Variants in ZNF320 observed in about 807,000 individuals in gnomAD.
ZNF320 encodes zinc finger protein 320, also known as zinc finger gene 320.
A neutral mutation model predicts 6.8 loss-of-function variants in ZNF320; 2 were observed. The observed-to-expected ratio is 0.29, with a 90% CI of 0.12 to 0.93. The LOEUF (loss-of-function observed/expected upper bound fraction) is 0.93, where lower values mean the gene tolerates loss of function less well. ZNF320 is among the 40% of genes least tolerant of loss of function. The probability of loss-of-function intolerance (pLI) is 0.55; values close to 1 mark genes in which losing one functional copy is unlikely to be tolerated. For synonymous variants in ZNF320, 208 were observed against 203.2 expected (o/e 1.02, Z -0.20); for missense variants, 472 against 611.0 (o/e 0.77, Z 2.40).
Position 52,880,773 on chromosome 19 carries a change from A to G in ZNF320, c.1353T>C (p.Asn451=), listed in dbSNP as rs2147811873. 2 of 1,613,938 alleles carry G rather than the reference A, an allele frequency of 1.2e-6. No individual in the cohort carries two copies. Among genetic ancestry groups the G allele is most frequent in the Non-Finnish European group, 1.7e-6 (2 of 1,179,862 alleles). The stretch of plus-strand genomic sequence containing the variant: ...GATGCCTAATAAGGTGTGAAGGTGA[A>G]TTAAAGGCTTTACCACAATCACCAC... ...HKCGDCGKAF[N]SPSHLIRHQR... is the part of the protein sequence containing the mutation. Residue 451 remains asparagine (N), a synonymous_variant, in exon 6 of 6, where the codon AAT becomes AAC. Transcript: ENST00000682928.
downstream of ZNF320, among the ~76,000 whole-genome samples, chr19:52,860,428 G>A (rs1010337091): frequency 2.0e-5 from 3 of 151,928 alleles, no homozygotes; most frequent in African/African-American, 7.2e-5. Context: ...GTGAAAGCCA[G>A]TCTTTACTGA....
At chr19:52,862,632 C>T in exon 6 of ZNF320, 1 of 509,824 alleles carries the variant, frequency 2.0e-6, no homozygotes, top group Non-Finnish European at 3.4e-6. Context: ...ATAGGCGATG[C>T]CCTCACCCTA....
chr19:52,899,986 A>C (rs2064566310), upstream of ZNF320, among the ~76,000 whole-genome samples: 2 of 152,290 alleles, frequency 1.3e-5, no homozygotes, highest in African/African-American at 4.8e-5. Context: ...ACCTATGGCT[A>C]TGCTTCGTTT....
chr19:52,868,432 CG>C (rs554897878), intron 5 of ZNF320, among the ~76,000 whole-genome samples: 3 of 151,070 alleles, frequency 2.0e-5, no homozygotes, highest in Non-Finnish European at 4.4e-5. Flanking sequence ...CTCGAACCCC[CG>C]GGGCGGAGGT....
intron 5 of ZNF320, among the ~76,000 whole-genome samples, chr19:52,887,013 A>AGGAAGGAAGGAAGG (rs1555821425): frequency 1.2e-3 from 173 of 143,296 alleles, no homozygotes; most frequent in African/African-American, 3.1e-3. Context: ...AAGGAAAAGA[A>AGGAAGGAAGGAAGG]AAAACAAAAC....
chr19:52,872,899 G>A (rs562713631), downstream of ZNF320, among the ~76,000 whole-genome samples: 29 of 152,264 alleles, frequency 1.9e-4, no homozygotes, highest in African/African-American at 7.0e-4. Context: ...AGGAAAACAC[G>A]TGAGCAAAGG....
At chr19:52,901,041 C>G (rs1218386611), upstream of ZNF320, among the ~76,000 whole-genome samples, 1 of 151,920 alleles carries the variant, frequency 6.6e-6, no homozygotes. Flanking sequence ...CTCTTCTGTT[C>G]TAGCTATTAT....
chr19:52,902,431 G>A (rs1419813271), upstream of ZNF320, among the ~76,000 whole-genome samples: 1 of 152,196 alleles, frequency 6.6e-6, no homozygotes. Context: ...CCTGCCATGT[G>A]CACAAGCATA....
intron 5 of ZNF320, among the ~76,000 whole-genome samples, 163 bp from the exon 6 acceptor site, chr19:52,882,146 AG>A (rs1393074586): frequency 1.3e-5 from 2 of 152,252 alleles, no homozygotes; most frequent in African/African-American, 4.8e-5. Flanking sequence ...TAATAAATAA[AG>A]GCCAATTACA....
At chr19:52,896,084 T>C (rs771957573) in intron 1 of ZNF320, among the ~76,000 whole-genome samples, 2 of 152,124 alleles carry the variant, frequency 1.3e-5, no homozygotes, top group Non-Finnish European at 2.9e-5. Context: ...CAAAGCTTAT[T>C]TGAAAAGTAG....
At chr19:52,892,753 A>C (rs2064341730) in intron 2 of ZNF320, among the ~76,000 whole-genome samples, 2 of 148,310 alleles carry the variant, frequency 1.3e-5, no homozygotes, top group South Asian at 2.1e-4. Flanking sequence ...TCCTTGTTAT[A>C]CCTCCCTGGC....
At chr19:52,895,024 T>C (rs1300526349) in intron 1 of ZNF320, 1 of 152,240 alleles carries the variant, frequency 6.6e-6, no homozygotes, top group Non-Finnish European at 1.5e-5. Flanking sequence ...CAGCCCATCG[T>C]TCAACATCTG....
chr19:52,869,995 T>C lies in ZNF320; in HGVS notation c.223+3997A>G, dbSNP rs183695549. Among the ~76,000 whole-genome samples the C allele has an allele frequency of 5.8e-3, 845 of 146,638 alleles. 9 individuals are homozygous for C. The highest frequency in any genetic ancestry group is 0.02 in the African/African-American group (803 of 39,694). ...CCTCCCAAAGTGCTGGGATTACAGG[T>C]GTCAGCCACAGCGCCCATCCTAAAT... On this transcript the variant is annotated intron_variant, in intron 5 of 5. Coordinates refer to the ZNF320 transcript ENST00000673631.
Position 52,880,374 on chromosome 19 carries a change from A to G in ZNF320, c.*222T>C. On this transcript the variant is annotated 3_prime_UTR_variant, in exon 6 of 6. Transcript: ENST00000682928. ...AAAATAAATAAATAAATAAAAGAAC[A>G]TACAGGCTGGGAAAAGTGGCTCCCG... 1 of 477,452 alleles carries G rather than the reference A, an allele frequency of 2.1e-6. No homozygotes were observed. Among genetic ancestry groups the G allele is most frequent in the Non-Finnish European group, 3.7e-6 (1 of 272,604 alleles). The allele number at this position is 477,452 out of a possible 1,614,324, so 29.6% of individuals were successfully genotyped here. A position where few individuals can be genotyped will look rare whatever the true frequency, so the allele number is the denominator to read the frequency against.
At chr19:52,872,553 G>A (rs1259064442), downstream of ZNF320, among the ~76,000 whole-genome samples, 1 of 152,142 alleles carries the variant, frequency 6.6e-6, no homozygotes, top group African/African-American at 2.4e-5. Context: ...CGCAGGTGGA[G>A]TGCAGTGGCA....
exon 6 of ZNF320, among the ~76,000 whole-genome samples, chr19:52,861,161 A>G (rs1315847736): frequency 6.6e-6 from 1 of 152,240 alleles, no homozygotes; most frequent in South Asian, 2.1e-4. Flanking sequence ...AAACACATTC[A>G]GTGGATTTGC....
chr19:52,865,470 T>TATATGTAA (rs1414636050), intron 5 of ZNF320: 16 of 40,346 alleles, frequency 4.0e-4, no homozygotes, highest in African/African-American at 1.6e-3. Flanking sequence ...TATATATATA[T>TATATGTAA]TACATATATA....
At chr19:52,899,341 CT>C (rs1184930997), upstream of ZNF320, among the ~76,000 whole-genome samples, 1 of 152,192 alleles carries the variant, frequency 6.6e-6, no homozygotes, top group Non-Finnish European at 1.5e-5. Context: ...TTAACTATGT[CT>C]TCAACTACTT....
chr19:52,890,124 G>A (rs2064239107), intron 4 of ZNF320, 117 bp downstream of exon 4: 1 of 1,461,348 alleles, frequency 6.8e-7, no homozygotes, highest in South Asian at 1.2e-5. Context: ...AGGCATGGGT[G>A]ATTGTGAGCA....
Sources: allele counts gnomAD v4.1 joint callset (sites outside exome capture counted in the v4.1 genomes callset), GRCh38; gene constraint gnomAD v4.1.1; transcripts MANE v1.5; gene names NCBI Gene and HGNC (gene_info 2026-07-23, HGNC 2026-07-21).